POMK: variants seen among roughly 807,000 people sequenced by gnomAD.
The protein encoded by POMK is Sugen kinase 196.
In POMK, 19 loss-of-function variants were observed where a neutral mutation model predicts 23.0. That is an observed-to-expected ratio of 0.83 (90% CI 0.58 to 1.21). The LOEUF (loss-of-function observed/expected upper bound fraction) is 1.21, where lower values mean the gene tolerates loss of function less well. Among genes scored for constraint, POMK ranks in the 50% most tolerant of loss-of-function variants. The pLI is 0.00. For synonymous variants in POMK, 173 were observed against 171.6 expected (o/e 1.01, Z -0.06); for missense variants, 410 against 431.3 (o/e 0.95, Z 0.44).
chr8:43,121,076 A>G (rs1323643084), intron 4 of POMK, among the ~76,000 whole-genome samples: 2 of 152,222 alleles, frequency 1.3e-5, no homozygotes, highest in South Asian at 4.1e-4. Context: ...ATGCTTTTAT[A>G]AATAATGTCA....
At chr8:43,095,888 A>G (rs1219856293) in intron 1 of POMK, among the ~76,000 whole-genome samples, 2 of 152,142 alleles carry the variant, frequency 1.3e-5, no homozygotes, top group South Asian at 2.1e-4. Flanking sequence ...GGTTGAAAGG[A>G]TTTATCGCAG....
In POMK at chr8:43,122,133, C is replaced by T; in HGVS notation, c.309C>T (p.His103=). The change falls in exon 5 of 5, where the codon CAC becomes CAT. Residue 103 remains histidine, a synonymous_variant. Coordinates refer to ENST00000331373, the MANE Select transcript of POMK (RefSeq NM_032237.5). ...TCTTTCTGTCTGAGTGGAAGGAGCA[C>T]AAAGTTGCACTCTCACAGCTCACCA... ...KRVFLSEWKE[H]KVALSQLTSL... is the part of the protein sequence containing the mutation. 1 of 1,614,106 alleles carries T rather than the reference C, an allele frequency of 6.2e-7. No homozygotes were observed. The highest frequency in any genetic ancestry group is 8.5e-7 in the Non-Finnish European group (1 of 1,179,990).
At chr8:43,112,381 ATG>A (rs913633335) in intron 4 of POMK, among the ~76,000 whole-genome samples, 6 of 152,084 alleles carry the variant, frequency 3.9e-5, no homozygotes, top group Non-Finnish European at 7.4e-5. Flanking sequence ...ATAATAAGAA[ATG>A]AACAAAGCCT....
chr8:43,094,645 G>A (rs576959984), intron 1 of POMK, among the ~76,000 whole-genome samples: 2 of 152,290 alleles, frequency 1.3e-5, no homozygotes, highest in East Asian at 3.9e-4. Context: ...CTTTATTGGC[G>A]CAATGGAATT....
intron 4 of POMK, among the ~76,000 whole-genome samples, chr8:43,111,505 GACAA>G (rs1387006554): frequency 6.6e-5 from 10 of 152,240 alleles, no homozygotes; most frequent in African/African-American, 1.9e-4. Context: ...GCAGGGCACA[GACAA>G]ACAAAAGACA....
intron 1 of POMK, among the ~76,000 whole-genome samples, chr8:43,094,145 G>A (rs1407997199): frequency 1.3e-5 from 2 of 152,202 alleles, no homozygotes; most frequent in African/African-American, 4.8e-5. Flanking sequence ...CCAGGCTGGA[G>A]TGTAGTGGCG....
chr8:43,098,380 C>CT (rs1285133873), intron 2 of POMK, among the ~76,000 whole-genome samples: 3 of 152,136 alleles, frequency 2.0e-5, no homozygotes, highest in Non-Finnish European at 2.9e-5. Context: ...AGCATGTGGC[C>CT]TTTTTGTCAG....
At chr8:43,115,002 A>G (rs76624015) in intron 4 of POMK, among the ~76,000 whole-genome samples, 2 of 152,244 alleles carry the variant, frequency 1.3e-5, no homozygotes, top group African/African-American at 2.4e-5. Context: ...TTAAAAATCC[A>G]TACAGTATAG....
intron 1 of POMK, among the ~76,000 whole-genome samples, chr8:43,095,370 G>T (rs969914440): frequency 2.6e-5 from 4 of 152,114 alleles, no homozygotes; most frequent in African/African-American, 4.8e-5. Context: ...TTTTGTTTTG[G>T]TTTGGTTTGG....
chr8:43,112,141 C>A (rs185571425), intron 4 of POMK, among the ~76,000 whole-genome samples: 38 of 152,140 alleles, frequency 2.5e-4, no homozygotes, highest in Non-Finnish European at 5.1e-4. Context: ...GAAGTTCGAA[C>A]CAATGGGAAA....
rs1446014416 is a variant in POMK, at chr8:43,122,972, TTTA to T, written c.*98_*100del. 41 of 1,150,306 alleles carry T rather than the reference TTTA, an allele frequency of 3.6e-5. No homozygotes were observed. The highest frequency in any genetic ancestry group is 4.6e-5 in the Non-Finnish European group (38 of 817,710). The allele number at this position is 1,150,306 out of a possible 1,614,324, so 71.3% of individuals were successfully genotyped here. A position where few individuals can be genotyped will look rare whatever the true frequency, so the allele number is the denominator to read the frequency against. ...GGAGTTTTTTGCCTGAGTTTCGTGT[TTTA>T]TTGTTTTTTTTATGGCTTAGCCATG... is the stretch of plus-strand genomic sequence containing the variant. On this transcript the variant is annotated 3_prime_UTR_variant, in exon 5 of 5. Coordinates refer to ENST00000331373, the MANE Select transcript of POMK (RefSeq NM_032237.5).
chr8:43,123,021 C>A lies in POMK; in HGVS notation c.*144C>A. 1 of 691,352 alleles carries A rather than the reference C, an allele frequency of 1.4e-6. No homozygotes were observed. Among genetic ancestry groups the A allele is most frequent in the Non-Finnish European group, 2.4e-6 (1 of 415,906 alleles). 42.8% of individuals were successfully genotyped at this position (691,352 alleles called of 1,614,324 possible). On this transcript the variant is annotated 3_prime_UTR_variant, in exon 5 of 5. Transcript: ENST00000331373. ...CCATGTGGTTCGTTGTCCACATCCA[C>A]ATGTACGTTTGTATGTAGTCCACAT...
intron 2 of POMK, among the ~76,000 whole-genome samples, chr8:43,100,287 T>C (rs1291193360): frequency 6.6e-6 from 1 of 151,924 alleles, no homozygotes; most frequent in Non-Finnish European, 1.5e-5. Flanking sequence ...CAAGGCCCAG[T>C]GTGTGCTTAG....
At chr8:43,119,941 T>C (rs900010245) in intron 4 of POMK, among the ~76,000 whole-genome samples, 6 of 151,456 alleles carry the variant, frequency 4.0e-5, no homozygotes, top group Admixed American at 2.6e-4. Context: ...TTTTTCTTTT[T>C]TTTTTTTTAA....
chr8:43,103,618 C>G lies in POMK; in HGVS notation c.70C>G (p.Leu24Val). Residue 24 changes from leucine (L) to valine (V), a missense_variant, in exon 4 of 5, where the codon CTG becomes GTG. By Grantham distance (32) the Leu-to-Val change is conservative (BLOSUM62 1). Coordinates refer to ENST00000331373, the MANE Select transcript of POMK (RefSeq NM_032237.5). ...PREVPPAVGL[L>V]LIMALMNTLL... ...AGAGGTGCCGCCAGCTGTTGGGCTG[C>G]TGCTGATCATGGCCCTGATGAATAC... The G allele has an allele frequency of 6.2e-7, 1 of 1,614,062 alleles. No homozygotes were observed. Among genetic ancestry groups the G allele is most frequent in the Non-Finnish European group, 8.5e-7 (1 of 1,180,038 alleles).
intron 4 of POMK, among the ~76,000 whole-genome samples, chr8:43,112,719 G>C (rs929579317): frequency 6.6e-6 from 1 of 152,212 alleles, no homozygotes; most frequent in Non-Finnish European, 1.5e-5. Context: ...GGATCTCTCA[G>C]CAGAAACTCT....
chr8:43,115,219 C>T (rs1811771722), intron 4 of POMK, among the ~76,000 whole-genome samples: 2 of 152,170 alleles, frequency 1.3e-5, no homozygotes, highest in African/African-American at 4.8e-5. Context: ...GCCAGCTCTG[C>T]CTCCTCATCC....
chr8:43,123,124 T>C lies in POMK; in HGVS notation c.*247T>C, dbSNP rs1811959360. On this transcript the variant is annotated 3_prime_UTR_variant, in exon 5 of 5. Coordinates refer to ENST00000331373, the MANE Select transcript of POMK (RefSeq NM_032237.5). ...GAGGCTGGAGTGCAGTGATGTGATC[T>C]TGGCTCACTGCAGCCTCTGCCTCCC... is the stretch of plus-strand genomic sequence containing the variant. 6 of 389,754 alleles carry C rather than the reference T, an allele frequency of 1.5e-5. No individual in the cohort carries two copies. In the South Asian group the frequency reaches 2.3e-4, roughly 15 times the overall value. 24.1% of individuals were successfully genotyped at this position (389,754 alleles called of 1,614,324 possible).
chr8:43,114,808 T>C (rs1811760049), intron 4 of POMK, among the ~76,000 whole-genome samples: 1 of 152,204 alleles, frequency 6.6e-6, no homozygotes, highest in Non-Finnish European at 1.5e-5. Context: ...GAACCAGTTG[T>C]GCACTCTCCC....
Sources: allele counts gnomAD v4.1 joint callset (sites outside exome capture counted in the v4.1 genomes callset), GRCh38; gene constraint gnomAD v4.1.1; transcripts MANE v1.5; gene names NCBI Gene and HGNC (gene_info 2026-07-23, HGNC 2026-07-21).